The following FSIP2 variants were observed in gnomAD, a reference collection of about 807,000 sequenced individuals.
FSIP2 encodes the protein fibrous sheath-interacting protein 2.
In FSIP2, 367 loss-of-function variants were observed where a neutral mutation model predicts 510.5. The ratio of observed to expected loss-of-function variants is 0.72; its 90% CI spans 0.66 to 0.78. The LOEUF is 0.78. Among genes scored for constraint, FSIP2 ranks in the 30% least tolerant of loss-of-function variants. The probability of loss-of-function intolerance (pLI) is 0.00; values close to 1 mark genes in which losing one functional copy is unlikely to be tolerated. For missense variants in FSIP2, 7,594 were observed against 7,901.7 expected (o/e 0.96, Z 1.48); for synonymous variants, 2,601 against 2,732.2 (o/e 0.95, Z 1.50).
intron 11 of FSIP2, 46 bp downstream of exon 11, chr2:185,762,063 C>A: frequency 3.5e-6 from 3 of 849,214 alleles, no homozygotes; most frequent in Admixed American, 2.4e-5. Flanking sequence ...ATTAGGCATG[C>A]AATTATAGTT....
At chr2:185,749,118 G>A (rs1470609790) in intron 7 of FSIP2, among the ~76,000 whole-genome samples, 2 of 151,800 alleles carry the variant, frequency 1.3e-5, no homozygotes, top group African/African-American at 4.8e-5. Context: ...AGTTGTTTTA[G>A]TTAATCCCAA....
At chr2:185,782,673 A>AAACT (rs1692877293) in intron 13 of FSIP2, 32 bp from the exon 14 acceptor site, 1 of 1,352,504 alleles carries the variant, frequency 7.4e-7, no homozygotes, top group African/African-American at 1.4e-5. Flanking sequence ...GGATGGATAC[A>AAACT]AACTATGTAA....
In FSIP2 at chr2:185,745,458, A is replaced by G; in HGVS notation, c.507A>G (p.Ile169Met). 3.9e-6 allele frequency: 6 copies of G among 1,534,154 alleles called. No homozygotes were observed. Among genetic ancestry groups the G allele is most frequent in the Non-Finnish European group, 5.2e-6 (6 of 1,145,300 alleles). Residue 169 changes from isoleucine to methionine, a missense_variant, in exon 5 of 23, where the codon ATA becomes ATG. Transcript: ENST00000424728. ...TACTTGCAAAACAACTACATAACAT[A>G]CCGGAAAACAATCAAATCCCTCAAC... Reference protein sequence around the residue: ...QRILAKQLHNIPENNQIPQHC... With the variant: ...QRILAKQLHNMPENNQIPQHC...
chr2:185,791,498 T>C lies in FSIP2; in HGVS notation c.4362T>C (p.Ser1454=). 6.5e-7 allele frequency: 1 copy of C among 1,534,378 alleles called. No homozygotes were observed. Residue 1454 remains serine, a synonymous_variant, in exon 16 of 23, where the codon TCT becomes TCC. Transcript: ENST00000424728. ...AGCTCCTGGGGACCCATCTTCATTC[T>C]CAGCTATCTTGTAGTCAACAAAGCA... ...LSKLLGTHLH[S]QLSCSQQSRE...
At chr2:185,820,158 A>C (rs1238543709) in intron 19 of FSIP2, among the ~76,000 whole-genome samples, 1 of 151,952 alleles carries the variant, frequency 6.6e-6, no homozygotes. Context: ...TAATTGAATC[A>C]TTGGGGTGAT....
At chr2:185,760,094 A>C (rs1215788542) in intron 9 of FSIP2, among the ~76,000 whole-genome samples, 1 of 150,884 alleles carries the variant, frequency 6.6e-6, no homozygotes, top group Non-Finnish European at 1.5e-5. Flanking sequence ...TTTATTAATT[A>C]TCTGTAAATT....
rs1692844102 is a variant in FSIP2 at position 185,781,303 on chromosome 2, G to GTGTT, written c.1412-1401_1412-1398dup. ...AACACTTTATTATAAAGTAGGCTTT[G>GTGTT]TGTTAGCTGATTTTGCCCAGCTGTA... On this transcript the variant is annotated intron_variant, in intron 13 of 22. Transcript: ENST00000424728. 2.0e-5 allele frequency among the ~76,000 whole-genome samples: 3 copies of GTGTT among 152,162 alleles called. No homozygotes were observed. In the South Asian group the frequency reaches 6.2e-4, roughly 32 times the overall value.
In FSIP2 at chr2:185,805,693, GAAAT is replaced by G. The variant is rs1559034750; in HGVS notation, c.16393_16396del (p.Asn5465GlufsTer4). 1 of 1,610,282 alleles carries G rather than the reference GAAAT, an allele frequency of 6.2e-7. No homozygotes were observed. Among genetic ancestry groups the G allele is most frequent in the Non-Finnish European group, 8.5e-7 (1 of 1,178,398 alleles). On this transcript the variant is annotated frameshift_variant, in exon 17 of 23. Coordinates refer to ENST00000424728, the MANE Select transcript of FSIP2 (RefSeq NM_173651.4). LOFTEE classifies it high-confidence loss of function. ...TTGCAAAAACATGATGAGCACTTTG[GAAAT>G]AAATAGAGGTACAATGAATAGAAAG...
chr2:185,768,781 T>C (rs1292914404), intron 13 of FSIP2, among the ~76,000 whole-genome samples: 1 of 152,068 alleles, frequency 6.6e-6, no homozygotes, highest in South Asian at 2.1e-4. Flanking sequence ...ATCCTCTCCC[T>C]GCTCCAACCC....
intron 16 of FSIP2, chr2:185,797,784 A>C (rs1398540520): frequency 8.5e-6 from 3 of 353,182 alleles, no homozygotes; most frequent in African/African-American, 2.2e-5. Context: ...GAACTCCTGG[A>C]CTGAAGACAT....
Position 185,748,067 on chromosome 2 carries a change from C to T in FSIP2, c.870+644C>T, listed in dbSNP as rs1692070165. ...TTTAGGTAGGTTATTGTTAACAAAC[C>T]TAGGTATGAATGTAAGATTTACACA... On this transcript the variant is annotated intron_variant, in intron 7 of 22. Coordinates refer to ENST00000424728, the MANE Select transcript of FSIP2 (RefSeq NM_173651.4). Among the ~76,000 whole-genome samples the T allele has an allele frequency of 2.6e-5, 4 of 151,770 alleles. No individual in the cohort carries two copies. The South Asian group carries it at 8.3e-4, about 32-fold the overall frequency.
At chr2:185,772,989 T>C (rs1692638839) in intron 13 of FSIP2, among the ~76,000 whole-genome samples, 1 of 152,224 alleles carries the variant, frequency 6.6e-6, no homozygotes, top group South Asian at 2.1e-4. Context: ...GCTTCCCAAA[T>C]AGCTGAGACT....
Position 185,803,835 on chromosome 2 carries a change from T to C in FSIP2, c.14529T>C (p.Cys4843=), listed in dbSNP as rs988997477. ...IMSIISKHEI[C]IIKYGNKKQS... ...CAATAATTTCAAAACATGAAATATGTATTATTAAATATGGGAATAAAAAAC... is the reference window on the plus strand; with the variant it reads ...CAATAATTTCAAAACATGAAATATGCATTATTAAATATGGGAATAAAAAAC... Residue 4843 remains cysteine, a synonymous_variant, in exon 17 of 23, where the codon TGT becomes TGC. Coordinates refer to ENST00000424728, the MANE Select transcript of FSIP2 (RefSeq NM_173651.4). 4.3e-5 allele frequency: 64 copies of C among 1,502,018 alleles called. No homozygotes were observed. The highest frequency in any genetic ancestry group is 5.5e-5 in the Non-Finnish European group (62 of 1,125,496). The allele number at this position is 1,502,018 out of a possible 1,614,324, so 93.0% of individuals were successfully genotyped here.
rs896749203 is a variant in FSIP2, at chr2:185,796,134, T to A, written c.8998T>A (p.Leu3000Ile). The A allele has an allele frequency of 1.3e-5, 20 of 1,534,334 alleles. No individual in the cohort carries two copies. The African/African-American group carries it at 2.5e-4, about 19-fold the overall frequency. ...GATTGTAGAAACGGTTTTAAACATGTTAGAGTCATTTGTGGACTTGCAGTT... is the reference window on the plus strand; with the variant it reads ...GATTGTAGAAACGGTTTTAAACATGATAGAGTCATTTGTGGACTTGCAGTT... ...QEIVETVLNMLESFVDLQFKH... is the reference protein window; with the variant it reads ...QEIVETVLNMIESFVDLQFKH... Residue 3000 changes from leucine to isoleucine, a missense_variant, in exon 16 of 23, where the codon TTA (leucine) becomes ATA (isoleucine). Physicochemically the swap from Leu to Ile is conservative, Grantham distance 5. Transcript: ENST00000424728.
chr2:185,749,449 A>C (rs2051194643), intron 7 of FSIP2, among the ~76,000 whole-genome samples: 1 of 151,962 alleles, frequency 6.6e-6, no homozygotes, highest in Non-Finnish European at 1.5e-5. Flanking sequence ...TTGAATACTT[A>C]ATGCTAGCAT....
intron 21 of FSIP2, 72 bp downstream of exon 21, chr2:185,828,271 C>CCTGACTGAACTATGAAA: frequency 1.2e-6 from 1 of 828,882 alleles, no homozygotes; most frequent in Non-Finnish European, 2.1e-6. Context: ...TTTCATAGTT[C>CCTGACTGAACTATGAAA]AGTCAGGGAC....
In FSIP2 at chr2:185,789,156, T is replaced by C. The variant is rs992790078; in HGVS notation, c.2020T>C (p.Leu674=). Reference sequence around the variant, plus strand: ...TGAAACAGATAGCTTAGGGAGTTCATTGCATTGTGATAAAACAGCAAAAGC... The same window carrying C: ...TGAAACAGATAGCTTAGGGAGTTCACTGCATTGTGATAAAACAGCAAAAGC... The part of the protein sequence containing the change: ...TTETDSLGSS[L]HCDKTAKAMD... The change falls in exon 16 of 23, where the codon TTG becomes CTG. Residue 674 remains leucine, a synonymous_variant. Transcript: ENST00000424728. 2 of 1,535,060 alleles carry C rather than the reference T, an allele frequency of 1.3e-6. No individual in the cohort carries two copies. Among genetic ancestry groups the C allele is most frequent in the African/African-American group, 1.4e-5 (1 of 73,066 alleles).
intron 21 of FSIP2, 74 bp downstream of exon 21, chr2:185,828,273 G>A: frequency 1.2e-6 from 1 of 823,374 alleles, no homozygotes; most frequent in Non-Finnish European, 2.1e-6. Context: ...TCATAGTTCA[G>A]TCAGGGACTG....
At position 185,790,687 on chromosome 2, in the gene FSIP2, A is replaced by G. The variant is rs1262925488; in HGVS notation, c.3551A>G (p.Tyr1184Cys). The G allele has an allele frequency of 3.9e-6, 6 of 1,534,068 alleles. No homozygotes were observed. The highest frequency in any genetic ancestry group is 5.2e-6 in the Non-Finnish European group (6 of 1,145,442). ...VLNILHKASN[Y>C]ISNTTKSSIS... ...AACATACTTCATAAGGCATCAAACTACATTTCCAATACCACTAAAAGTTCC... is the reference window on the plus strand; with the variant it reads ...AACATACTTCATAAGGCATCAAACTGCATTTCCAATACCACTAAAAGTTCC... Residue 1184 changes from tyrosine (Y) to cysteine (C), a missense_variant, in exon 16 of 23, where the codon TAC becomes TGC. Coordinates refer to ENST00000424728, the MANE Select transcript of FSIP2 (RefSeq NM_173651.4).
Sources: gnomAD v4.1 joint callset for allele counts (sites outside exome capture counted in the v4.1 genomes callset) on GRCh38, gnomAD v4.1.1 for gene constraint, MANE v1.5 for transcripts, NCBI Gene and HGNC (gene_info 2026-07-23, HGNC 2026-07-21) for gene names.